The following GLI3 variants were observed in gnomAD, a reference collection of about 807,000 sequenced individuals.
GLI3 encodes the protein GLI family zinc finger 3, also known as transcription activator GLI3.
A neutral mutation model predicts 100.8 loss-of-function variants in GLI3; 20 were observed. The observed-to-expected ratio is 0.20, with a 90% CI of 0.14 to 0.29. The LOEUF is 0.29. Ranked by LOEUF, GLI3 falls within the 10% of genes least tolerant of loss-of-function variation. The pLI is 1.00. For missense variants in GLI3, 2,040 were observed against 2,128.5 expected, an observed-to-expected ratio of 0.96 and a Z score of 0.82; for synonymous variants, 938 against 860.5, an observed-to-expected ratio of 1.09 and a Z score of -1.58.
chr7:41,981,412 T>C (rs1787665065), intron 10 of GLI3, among the ~76,000 whole-genome samples: 1 of 152,196 alleles, frequency 6.6e-6, no homozygotes, highest in African/African-American at 2.4e-5. Context: ...CAGGCTTGCA[T>C]GTCTGCCCCT....
rs976244412 is a variant in GLI3 at position 41,961,783 on chromosome 7, G to A, written c.*2547C>T. On this transcript the variant is annotated 3_prime_UTR_variant, in exon 15 of 15. Transcript: ENST00000395925. ...GGATGTCCCAAAAAGATGCTTCTAA[G>A]TGACCTCAAAAGACCTTCCTTCCAC... The A allele has an allele frequency of 6.6e-6, 1 of 152,146 alleles. No homozygotes were observed. Among genetic ancestry groups the A allele is most frequent in the African/African-American group, 2.4e-5 (1 of 41,410 alleles). 9.4% of individuals were successfully genotyped at this position (152,146 alleles called of 1,614,324 possible).
chr7:42,084,498 C>A (rs1355931380), intron 3 of GLI3, among the ~76,000 whole-genome samples: 2 of 152,214 alleles, frequency 1.3e-5, no homozygotes, highest in East Asian at 1.9e-4. Context: ...GGCTGACCAG[C>A]CATATCCTTC....
intron 3 of GLI3, among the ~76,000 whole-genome samples, chr7:42,081,689 T>C (rs987503364): frequency 6.6e-6 from 1 of 152,176 alleles, no homozygotes; most frequent in Admixed American, 6.5e-5. Flanking sequence ...GAAATAGTTA[T>C]AGTATCCTCA....
At chr7:42,237,749 G>A (rs1189892090), upstream of GLI3, 1 of 152,180 alleles carries the variant, frequency 6.6e-6, no homozygotes. Flanking sequence ...CGCAGGGGGC[G>A]AAGTTGGGAA....
intron 7 of GLI3, among the ~76,000 whole-genome samples, chr7:42,038,119 C>T (rs1244376092): frequency 6.6e-5 from 10 of 152,220 alleles, no homozygotes; most frequent in Admixed American, 6.5e-5. Context: ...TGACTTTAGT[C>T]ATGCCATGTA....
intron 3 of GLI3, among the ~76,000 whole-genome samples, chr7:42,133,151 A>G (rs1375186865): frequency 6.6e-6 from 1 of 152,214 alleles, no homozygotes; most frequent in Non-Finnish European, 1.5e-5. Context: ...AACTTATACA[A>G]AAACATTCTC....
Position 42,256,913 on chromosome 7 carries a change from A to G in GLI3, c.-43+7081T>C, listed in dbSNP as rs545133209. ...TGAGTCTTCCAGTCCATGAATATGG[A>G]ATTTCTCTCCATTTATTTAGATCTC... On this transcript the variant is annotated intron_variant, in intron 1 of 2. Coordinates refer to the GLI3 transcript ENST00000678978. Among the ~76,000 whole-genome samples the G allele has an allele frequency of 1.9e-4, 29 of 152,270 alleles. No individual in the cohort carries two copies. The South Asian group carries it at 5.4e-3, about 28-fold the overall frequency.
At chr7:42,140,295 G>T (rs1313482101) in intron 3 of GLI3, among the ~76,000 whole-genome samples, 1 of 152,116 alleles carries the variant, frequency 6.6e-6, no homozygotes, top group Non-Finnish European at 1.5e-5. Flanking sequence ...TGCTCATTTT[G>T]TTCAACACTG....
intron 3 of GLI3, among the ~76,000 whole-genome samples, chr7:42,133,869 G>T (rs1332473652): frequency 6.6e-6 from 1 of 151,984 alleles, no homozygotes; most frequent in Non-Finnish European, 1.5e-5. Context: ...ATCACCTGAG[G>T]TCAGGAGTTC....
intron 7 of GLI3, among the ~76,000 whole-genome samples, chr7:42,034,982 T>C (rs7808359): frequency 0.036 from 5,525 of 152,184 alleles, 236 homozygotes; most frequent in African/African-American, 0.1. Flanking sequence ...AGCTAAATAT[T>C]TGGGGAATTA....
intron 1 of GLI3, among the ~76,000 whole-genome samples, chr7:42,259,318 G>C (rs1349961872): frequency 6.6e-6 from 1 of 152,072 alleles, no homozygotes; most frequent in Non-Finnish European, 1.5e-5. Context: ...ACATCTAATG[G>C]GTTGCTTTTC....
chr7:42,117,900 T>C (rs979108719), intron 3 of GLI3, among the ~76,000 whole-genome samples: 2 of 152,198 alleles, frequency 1.3e-5, no homozygotes, highest in Non-Finnish European at 2.9e-5. Context: ...GGCCCTTGAG[T>C]AGCTGCCGCT....
At chr7:42,214,506 C>T (rs1259587321) in intron 2 of GLI3, among the ~76,000 whole-genome samples, 4 of 134,044 alleles carry the variant, frequency 3.0e-5, no homozygotes, top group Non-Finnish European at 1.6e-5. Context: ...AGGAAAGAGT[C>T]GAAGAAAGGG....
intron 2 of GLI3, among the ~76,000 whole-genome samples, chr7:42,186,441 A>G (rs1045865312): frequency 2.6e-5 from 4 of 152,200 alleles, no homozygotes; most frequent in African/African-American, 9.7e-5. Flanking sequence ...TTTTGCAAGA[A>G]AAAAAGTATT....
chr7:42,253,864 C>T (rs925379059), intron 1 of GLI3, among the ~76,000 whole-genome samples: 2 of 152,114 alleles, frequency 1.3e-5, no homozygotes, highest in African/African-American at 4.8e-5. Context: ...GATCTTTACC[C>T]TCCAAGTCTT....
intron 2 of GLI3, among the ~76,000 whole-genome samples, chr7:42,210,728 A>C (rs1267001628): frequency 4.6e-5 from 7 of 152,080 alleles, no homozygotes; most frequent in Non-Finnish European, 8.8e-5. Flanking sequence ...AAATTATCTT[A>C]TCTCTCTCTC....
At chr7:42,047,786 T>A (rs529500676) in intron 5 of GLI3, among the ~76,000 whole-genome samples, 1 of 152,282 alleles carries the variant, frequency 6.6e-6, no homozygotes, top group African/African-American at 2.4e-5. Flanking sequence ...CAGTACATAC[T>A]TCTTCGGATT....
intron 3 of GLI3, among the ~76,000 whole-genome samples, chr7:42,101,019 CAT>C (rs1427805197): frequency 2.0e-5 from 3 of 152,166 alleles, no homozygotes; most frequent in Non-Finnish European, 4.4e-5. Context: ...TGCTAGCAAA[CAT>C]ACACACCTGG....
At position 41,966,571 on chromosome 7, in the gene GLI3, AGAGAGGTCGCTTCTG is replaced by A. The variant is rs1317257676; in HGVS notation, c.2487_2501del (p.Arg830_Ser834del). 3 of 1,613,902 alleles carry A rather than the reference AGAGAGGTCGCTTCTG, an allele frequency of 1.9e-6. No individual in the cohort carries two copies. The highest frequency in any genetic ancestry group is 4.5e-5 in the East Asian group (2 of 44,866). On this transcript the variant is annotated inframe_deletion, in exon 15 of 15. Coordinates refer to ENST00000395925, the MANE Select transcript of GLI3 (RefSeq NM_000168.6). The surrounding 1 kb of genome is among the most constrained non-coding windows in gnomAD (Gnocchi z 5.8). ...TGTTCAGCATAGTGACGTCCACCCCAGAGAGGTCGCTTCTGCCCGGGAGAAGCGTCATGGGCCCAC... is the reference window on the plus strand; with the variant it reads ...TGTTCAGCATAGTGACGTCCACCCCACCCGGGAGAAGCGTCATGGGCCCAC...
Sources: gnomAD v4.1 joint callset for allele counts (sites outside exome capture counted in the v4.1 genomes callset) on GRCh38, gnomAD v4.1.1 for gene constraint, Gnocchi (gnomAD v3.1) non-coding constraint, MANE v1.5 for transcripts, NCBI Gene and HGNC (gene_info 2026-07-23, HGNC 2026-07-21) for gene names.